The following MACROD2 variants were observed in gnomAD, a reference collection of about 807,000 sequenced individuals.
MACROD2 encodes the protein ADP-ribose glycohydrolase MACROD2.
MACROD2 carries 36 observed loss-of-function variants against 70.4 expected under a neutral mutation model. The observed-to-expected ratio is 0.51, with a 90% confidence interval of 0.39 to 0.68. MACROD2 has a LOEUF of 0.68. Ranked by LOEUF, MACROD2 falls within the 30% of genes least tolerant of loss-of-function variation. MACROD2 has a pLI of 0.00. For synonymous variants in MACROD2, 172 were observed against 178.8 expected (o/e 0.96, Z 0.30); for missense variants, 496 against 538.4 (o/e 0.92, Z 0.78).
rs3045702 is a variant in MACROD2, at chr20:14,977,462, TACACACACACAC to T, written c.419-252450_419-252439del. Among the ~76,000 whole-genome samples, 18 of 135,082 alleles carry T rather than the reference TACACACACACAC, an allele frequency of 1.3e-4. No homozygotes were observed. In the East Asian group the frequency reaches 1.5e-3, roughly 11 times the overall value. 88.6% of individuals were successfully genotyped at this position (135,082 alleles called of 152,430 possible). A position where few individuals can be genotyped will look rare whatever the true frequency, so the allele number is the denominator to read the frequency against. ...AAATTTAAAAAATAAAAGAAAAAGA[TACACACACACAC>T]ACACACACACACACACACACACACA... On this transcript the variant is annotated intron_variant, in intron 5 of 17. Transcript: ENST00000684519.
At position 15,194,245 on chromosome 20, in the gene MACROD2, CAAAAAAAAAAAA is replaced by C. The variant is rs71190180; in HGVS notation, c.419-35681_419-35670del. 1.6e-3 allele frequency among the ~76,000 whole-genome samples: 81 copies of C among 49,854 alleles called. 2 individuals are homozygous for C. The highest frequency in any genetic ancestry group is 6.8e-3 in the African/African-American group (76 of 11,232). 32.7% of individuals were successfully genotyped at this position (49,854 alleles called of 152,430 possible). On this transcript the variant is annotated intron_variant, in intron 5 of 17. Coordinates refer to ENST00000684519, the MANE Select transcript of MACROD2 (RefSeq NM_001351661.2). ...TGGGTGACAGAGCGACACTCTGTCT[CAAAAAAAAAAAA>C]AAAAAAAAAAAAAGCTTCTTCCAGA...
intron 8 of MACROD2, among the ~76,000 whole-genome samples, chr20:15,531,429 A>G (rs1248698711): frequency 4.6e-5 from 7 of 152,092 alleles, no homozygotes; most frequent in Non-Finnish European, 1.0e-4. Context: ...AAAATTCAAA[A>G]CATAGAACAG....
At chr20:15,923,214 AG>A (rs1190337724) in intron 10 of MACROD2, among the ~76,000 whole-genome samples, 1 of 152,232 alleles carries the variant, frequency 6.6e-6, no homozygotes, top group East Asian at 1.9e-4. Flanking sequence ...GAACAAAAAA[AG>A]GTTTAATTTG....
chr20:15,123,735 C>T (rs1490014513), intron 5 of MACROD2, among the ~76,000 whole-genome samples: 1 of 152,122 alleles, frequency 6.6e-6, no homozygotes, highest in African/African-American at 2.4e-5. Context: ...TTGCTCAAGT[C>T]AGTTTGAATC....
At chr20:15,615,466 C>T (rs2049024343) in intron 8 of MACROD2, among the ~76,000 whole-genome samples, 1 of 152,120 alleles carries the variant, frequency 6.6e-6, no homozygotes, top group Admixed American at 6.5e-5. Flanking sequence ...AGAGGGAGGA[C>T]ACCTTCATCA....
At chr20:14,764,492 T>C (rs1240532960) in intron 5 of MACROD2, among the ~76,000 whole-genome samples, 3 of 152,166 alleles carry the variant, frequency 2.0e-5, no homozygotes, top group South Asian at 4.1e-4. Flanking sequence ...TATACACTTG[T>C]GGGAGAAAAA....
intron 4 of MACROD2, among the ~76,000 whole-genome samples, chr20:14,649,489 G>A (rs1281327631): frequency 6.6e-6 from 1 of 152,150 alleles, no homozygotes; most frequent in Non-Finnish European, 1.5e-5. Flanking sequence ...GGGAAAGTAA[G>A]CAAGATCCAG....
intron 5 of MACROD2, among the ~76,000 whole-genome samples, chr20:15,097,917 T>A (rs1340361706): frequency 6.6e-6 from 1 of 152,226 alleles, no homozygotes; most frequent in Non-Finnish European, 1.5e-5. Context: ...TATGAAAGCC[T>A]GAGTGTTACC....
chr20:15,174,696 C>G (rs2076446662), intron 5 of MACROD2, among the ~76,000 whole-genome samples: 1 of 152,250 alleles, frequency 6.6e-6, no homozygotes, highest in South Asian at 2.1e-4. Flanking sequence ...GATCACCATT[C>G]TAACTGGTGT....
At chr20:14,699,025 T>G (rs777792663) in intron 5 of MACROD2, among the ~76,000 whole-genome samples, 2 of 152,022 alleles carry the variant, frequency 1.3e-5, no homozygotes, top group African/African-American at 2.4e-5. Context: ...GCTGCACATC[T>G]TTTTCATATT....
chr20:15,518,065 A>G (rs1265381308), intron 8 of MACROD2, among the ~76,000 whole-genome samples: 1 of 152,274 alleles, frequency 6.6e-6, no homozygotes, highest in Non-Finnish European at 1.5e-5. Context: ...GACTCCTGAG[A>G]GAACTTGCAG....
At chr20:15,994,378 T>A (rs1222050845) in intron 15 of MACROD2, among the ~76,000 whole-genome samples, 1 of 152,176 alleles carries the variant, frequency 6.6e-6, no homozygotes, top group Non-Finnish European at 1.5e-5. Context: ...TTTTGTATCA[T>A]TTAGGATTTT....
chr20:15,288,511 G>A (rs2077511808), intron 6 of MACROD2, among the ~76,000 whole-genome samples: 1 of 152,204 alleles, frequency 6.6e-6, no homozygotes, highest in African/African-American at 2.4e-5. Flanking sequence ...GATTGAGTAA[G>A]AAAGATCCAC....
chr20:14,560,307 G>A (rs932342215), intron 4 of MACROD2, among the ~76,000 whole-genome samples: 1 of 47,696 alleles, frequency 2.1e-5, no homozygotes, highest in Non-Finnish European at 6.3e-5. Context: ...TGTACTTAAT[G>A]TACACACACA....
intron 5 of MACROD2, among the ~76,000 whole-genome samples, chr20:15,025,851 T>G (rs554760789): frequency 2.0e-5 from 3 of 151,850 alleles, no homozygotes; most frequent in African/African-American, 7.2e-5. Context: ...AAAAAATTAA[T>G]CCCCCTCAAC....
intron 3 of MACROD2, among the ~76,000 whole-genome samples, chr20:14,460,886 CATT>C (rs753103987): frequency 1.3e-5 from 2 of 151,732 alleles, no homozygotes; most frequent in Non-Finnish European, 2.9e-5. Context: ...ATTATTTTGT[CATT>C]GTTGTGTCTC....
intron 15 of MACROD2, among the ~76,000 whole-genome samples, chr20:15,989,763 T>C (rs1414836114): frequency 6.6e-6 from 1 of 152,062 alleles, no homozygotes; most frequent in South Asian, 2.1e-4. Flanking sequence ...ATATTCTTTA[T>C]AGCTTTAGAA....
chr20:15,943,521 G>C (rs1439708725), intron 12 of MACROD2, among the ~76,000 whole-genome samples: 1 of 152,088 alleles, frequency 6.6e-6, no homozygotes, highest in African/African-American at 2.4e-5. Flanking sequence ...TTGGATATTA[G>C]GAGCCTTAAG....
chr20:14,339,998 C>T (rs375734063), intron 3 of MACROD2, among the ~76,000 whole-genome samples: 8 of 151,958 alleles, frequency 5.3e-5, no homozygotes, highest in African/African-American at 1.5e-4. Context: ...TAATGTGTGC[C>T]CCCTTTGAAA....
Sources: allele counts gnomAD v4.1 joint callset (sites outside exome capture counted in the v4.1 genomes callset), GRCh38; gene constraint gnomAD v4.1.1; transcripts MANE v1.5; gene names NCBI Gene and HGNC (gene_info 2026-07-23, HGNC 2026-07-21).